CCDC24: variants seen among roughly 807,000 people sequenced by gnomAD.
The protein encoded by CCDC24 is coiled-coil domain-containing protein 24.
Under a neutral mutation model 31.6 loss-of-function variants are expected in CCDC24, and 34 were observed. The observed-to-expected ratio is 1.08, with a 90% CI of 0.82 to 1.43. The LOEUF is 1.43. CCDC24 is among the 40% of genes most tolerant of loss of function. The probability of loss-of-function intolerance (pLI) is 0.00; values close to 1 mark genes in which losing one functional copy is unlikely to be tolerated. For synonymous variants in CCDC24, 175 were observed against 157.3 expected (o/e 1.11, Z -0.84); for missense variants, 426 against 391.1 (o/e 1.09, Z -0.75).
At position 43,996,070 on chromosome 1, in the gene CCDC24, C is replaced by G. The variant is rs766105051; in HGVS notation, c.834C>G (p.Thr278=). Residue 278 remains threonine, a synonymous_variant, in exon 9 of 9, where the codon ACC becomes ACG. Transcript: ENST00000372318. ...PYLRPRGQSA[T]HRWGRQLQCS... is the part of the protein sequence containing the mutation. Reference sequence around the variant, plus strand: ...TTCGACCTCGAGGCCAGTCGGCTACCCACCGCTGGGGACGGCAGCTTCAGT... The same window carrying G: ...TTCGACCTCGAGGCCAGTCGGCTACGCACCGCTGGGGACGGCAGCTTCAGT... The G allele has an allele frequency of 6.2e-7, 1 of 1,614,118 alleles. No homozygotes were observed. The highest frequency in any genetic ancestry group is 8.5e-7 in the Non-Finnish European group (1 of 1,180,036).
chr1:43,995,693 A>T lies in CCDC24; in HGVS notation c.622+23A>T. The T allele has an allele frequency of 6.2e-7, 1 of 1,613,404 alleles. No homozygotes were observed. The highest frequency in any genetic ancestry group is 8.5e-7 in the Non-Finnish European group (1 of 1,179,578). Reference sequence around the variant, plus strand: ...CAGGTGAGGACACGGAGCAGGGCCCAGAACACCCAGCCTCCTGCTCCCACC... The same window carrying T: ...CAGGTGAGGACACGGAGCAGGGCCCTGAACACCCAGCCTCCTGCTCCCACC... On this transcript the variant is annotated intron_variant, in intron 7 of 8. Coordinates refer to ENST00000372318, the MANE Select transcript of CCDC24 (RefSeq NM_152499.4). This position sits in a 1 kb window ranked among gnomAD's most constrained non-coding sequence, Gnocchi z 4.3.
Position 43,991,732 on chromosome 1 carries a change from A to T in CCDC24, c.-47A>T, listed in dbSNP as rs758875449. ...ACGGGCAATCCCAGCCGAGGGGACC[A>T]GCGGCAGAGCACGGGTGGGGCTTGG... On this transcript the variant is annotated 5_prime_UTR_variant, in exon 1 of 9. Transcript: ENST00000372318. 5.7e-5 allele frequency: 60 copies of T among 1,051,466 alleles called. No individual in the cohort carries two copies. Among genetic ancestry groups the T allele is most frequent in the Admixed American group, 5.6e-4 (28 of 50,356 alleles). 65.1% of individuals were successfully genotyped at this position (1,051,466 alleles called of 1,614,324 possible).
At position 43,995,489 on chromosome 1, in the gene CCDC24, G is replaced by A. The variant is rs548340123; in HGVS notation, c.553-112G>A. ...CCCTGGGGAACGTGGCTGCCCTCAC[G>A]GTGGATGGGCTGAAGGGGCTGCACG... On this transcript the variant is annotated intron_variant, in intron 6 of 8. Transcript: ENST00000372318. This position sits in a 1 kb window ranked among gnomAD's most constrained non-coding sequence, Gnocchi z 4.3. The A allele has an allele frequency of 2.2e-5, 26 of 1,200,004 alleles. No homozygotes were observed. Among genetic ancestry groups the A allele is most frequent in the African/African-American group, 1.8e-4 (12 of 65,160 alleles). 74.3% of individuals were successfully genotyped at this position (1,200,004 alleles called of 1,614,324 possible).
At position 43,993,942 on chromosome 1, in the gene CCDC24, G is replaced by A; in HGVS notation, c.475G>A (p.Asp159Asn). The part of the protein sequence containing the change: ...IKDQLNVSNI[D>N]QVARHLRGLL... ...GGACCAACTGAACGTGTCCAACATT[G>A]ACCAGGTGGCCAGACACCTGAGGTG... The change falls in exon 5 of 9, where the codon GAC (aspartate) becomes AAC (asparagine). Residue 159 changes from aspartate to asparagine, a missense_variant. By Grantham distance (23) the Asp-to-Asn change is conservative. Coordinates refer to ENST00000372318, the MANE Select transcript of CCDC24 (RefSeq NM_152499.4). The A allele has an allele frequency of 6.2e-7, 1 of 1,614,158 alleles. No homozygotes were observed. Among genetic ancestry groups the A allele is most frequent in the East Asian group, 2.2e-5 (1 of 44,884 alleles).
chr1:43,991,777 A>G, intron 1 of CCDC24, 31 bp downstream of exon 1: 4 of 1,443,222 alleles, frequency 2.8e-6, no homozygotes, highest in Middle Eastern at 1.8e-4. Flanking sequence ...GGGCCCATAG[A>G]GGGGCGGGGT....
Position 43,991,731 on chromosome 1 carries a change from C to T in CCDC24, c.-48C>T, listed in dbSNP as rs2085746557. On this transcript the variant is annotated 5_prime_UTR_variant, in exon 1 of 9. Coordinates refer to ENST00000372318, the MANE Select transcript of CCDC24 (RefSeq NM_152499.4). ...AACGGGCAATCCCAGCCGAGGGGAC[C>T]AGCGGCAGAGCACGGGTGGGGCTTG... is the stretch of plus-strand genomic sequence containing the variant. The T allele has an allele frequency of 2.9e-6, 3 of 1,051,602 alleles. No individual in the cohort carries two copies. The highest frequency in any genetic ancestry group is 4.3e-6 in the Non-Finnish European group (3 of 704,534). 65.1% of individuals were successfully genotyped at this position (1,051,602 alleles called of 1,614,324 possible).
Position 43,992,226 on chromosome 1 carries a change from G to A in CCDC24, c.141G>A (p.Arg47=), listed in dbSNP as rs553411629. The A allele has an allele frequency of 6.2e-7, 1 of 1,613,006 alleles. No homozygotes were observed. The highest frequency in any genetic ancestry group is 1.3e-5 in the African/African-American group (1 of 74,982). The change falls in exon 3 of 9, where the codon CGG becomes CGA. Residue 47 remains arginine, a synonymous_variant. Coordinates refer to ENST00000372318, the MANE Select transcript of CCDC24 (RefSeq NM_152499.4). Reference sequence around the variant, plus strand: ...TCTCCTTGCAGGTGGCGATGTTACGGGCACTGCTCCAAGAGGCTCGATCCT... The same window carrying A: ...TCTCCTTGCAGGTGGCGATGTTACGAGCACTGCTCCAAGAGGCTCGATCCT... The part of the protein sequence containing the change: ...LELRAEVAML[R]ALLQEARSSQ...
Position 43,996,194 on chromosome 1 carries a change from C to T in CCDC24, c.*34C>T. The T allele has an allele frequency of 1.3e-6, 2 of 1,491,790 alleles. No individual in the cohort carries two copies. Among genetic ancestry groups the T allele is most frequent in the Non-Finnish European group, 1.8e-6 (2 of 1,113,706 alleles). 92.4% of individuals were successfully genotyped at this position (1,491,790 alleles called of 1,614,324 possible). ...TCACCGAGTAGGCTCTGGCTTCTGC[C>T]ACAGCGCACCTGTCTGCCGCTGCCG... On this transcript the variant is annotated 3_prime_UTR_variant, in exon 9 of 9. Transcript: ENST00000372318.
At chr1:43,992,496 A>G in intron 3 of CCDC24, 27 bp from the exon 4 acceptor site, 1 of 1,613,778 alleles carries the variant, frequency 6.2e-7, no homozygotes, top group Non-Finnish European at 8.5e-7. Context: ...GGAGCCTCTC[A>G]GCTTCCTTCC....
intron 4 of CCDC24, 143 bp from the exon 5 acceptor site, chr1:43,993,744 A>G (rs997642196): frequency 1.4e-6 from 1 of 697,956 alleles, no homozygotes; most frequent in African/African-American, 1.8e-5. Context: ...GCTCATTTGC[A>G]AACCTAGGCT....
In CCDC24 at chr1:43,995,283, T is replaced by C; in HGVS notation, c.552+121T>C. ...ATGTACAGGCTATGTGAGTCCTGCA[T>C]CCATTTCTCAGGGGTGCATGCTTGT... On this transcript the variant is annotated intron_variant, in intron 6 of 8. Transcript: ENST00000372318. The surrounding 1 kb of genome is among the most constrained non-coding windows in gnomAD (Gnocchi z 4.3). The C allele has an allele frequency of 9.6e-7, 1 of 1,044,050 alleles. No homozygotes were observed. Among genetic ancestry groups the C allele is most frequent in the Non-Finnish European group, 1.4e-6 (1 of 707,156 alleles). 64.7% of individuals were successfully genotyped at this position (1,044,050 alleles called of 1,614,324 possible).
rs1442397562 is a variant in CCDC24, at chr1:43,991,744, C to T, written c.-35C>T. ...AGCCGAGGGGACCAGCGGCAGAGCA[C>T]GGGTGGGGCTTGGGAGAGGGCGGGG... On this transcript the variant is annotated splice_region_variant and 5_prime_UTR_variant, in exon 1 of 9. It adds an upstream start codon to the 5' untranslated region. Transcript: ENST00000372318. 39 of 1,156,036 alleles carry T rather than the reference C, an allele frequency of 3.4e-5. No homozygotes were observed. Among genetic ancestry groups the T allele is most frequent in the Admixed American group, 5.9e-5 (3 of 50,466 alleles). The allele number at this position is 1,156,036 out of a possible 1,614,324, so 71.6% of individuals were successfully genotyped here.
At chr1:43,994,917 C>A in intron 5 of CCDC24, 191 bp from the exon 6 acceptor site, 1 of 597,572 alleles carries the variant, frequency 1.7e-6, no homozygotes. Context: ...ATACTTCCTG[C>A]CCAGAAAGAG....
rs772687091 is a variant in CCDC24 at position 43,995,992 on chromosome 1, C to T, written c.756C>T (p.Cys252=). Residue 252 remains cysteine, a synonymous_variant, in exon 9 of 9, where the codon TGC becomes TGT. Coordinates refer to ENST00000372318, the MANE Select transcript of CCDC24 (RefSeq NM_152499.4). This position sits in a 1 kb window ranked among gnomAD's most constrained non-coding sequence, Gnocchi z 4.3. The part of the protein sequence containing the change: ...TQGLRPPLPL[C]GVAPLQCCLP... The stretch of plus-strand genomic sequence containing the variant: ...GCCTCAGACCCCCGCTTCCCCTCTG[C>T]GGGGTTGCACCTCTCCAGTGCTGCC... The T allele has an allele frequency of 1.8e-5, 29 of 1,614,066 alleles. No individual in the cohort carries two copies. The East Asian group carries it at 2.4e-4, about 14-fold the overall frequency.
intron 5 of CCDC24, chr1:43,994,315 G>A (rs2085791949): frequency 6.7e-6 from 2 of 300,666 alleles, no homozygotes; most frequent in Non-Finnish European, 1.3e-5. Context: ...TGGGCGTGGT[G>A]GTGCACGCCT....
intron 2 of CCDC24, 59 bp from the exon 3 acceptor site, chr1:43,992,153 C>G (rs552594210): frequency 5.2e-6 from 8 of 1,543,964 alleles, no homozygotes; most frequent in Non-Finnish European, 7.0e-6. Context: ...ACTCCCCCAG[C>G]CCCCACCATT....
In CCDC24 at chr1:43,995,532, T is replaced by C. The variant is rs750314227; in HGVS notation, c.553-69T>C. ...GCTGCACGGGCCTGCCCTGGGGATC[T>C]TGGCCTCTGTATCCTGCCTTGCCCC... is the stretch of plus-strand genomic sequence containing the variant. On this transcript the variant is annotated intron_variant, in intron 6 of 8. Coordinates refer to ENST00000372318, the MANE Select transcript of CCDC24 (RefSeq NM_152499.4). The surrounding 1 kb of genome is among the most constrained non-coding windows in gnomAD (Gnocchi z 4.3). 7.3e-4 allele frequency: 1,074 copies of C among 1,474,130 alleles called. 1 individual carries two copies. The highest frequency in any genetic ancestry group is 9.4e-4 in the Non-Finnish European group (1,028 of 1,097,222). The allele number at this position is 1,474,130 out of a possible 1,614,324, so 91.3% of individuals were successfully genotyped here. A position where few individuals can be genotyped will look rare whatever the true frequency, so the allele number is the denominator to read the frequency against.
In CCDC24 at chr1:43,993,889, G is replaced by C; in HGVS notation, c.422G>C (p.Ser141Thr). 1 of 1,614,178 alleles carries C rather than the reference G, an allele frequency of 6.2e-7. No individual in the cohort carries two copies. Among genetic ancestry groups the C allele is most frequent in the African/African-American group, 1.3e-5 (1 of 75,040 alleles). ...IFQMRGGGPS[S>T]GHRDLSIIKD... Reference sequence around the variant, plus strand: ...AGTGATAGTGACTTCATTGCCAGCAGCGGTCACAGAGATCTCAGCATCATC... The same window carrying C: ...AGTGATAGTGACTTCATTGCCAGCACCGGTCACAGAGATCTCAGCATCATC... Residue 141 changes from serine to threonine, a missense_variant and splice_region_variant, in exon 5 of 9, where the codon AGC becomes ACC. Transcript: ENST00000372318.
Position 43,993,915 on chromosome 1 carries a change from A to G in CCDC24, c.448A>G (p.Lys150Glu), listed in dbSNP as rs755136442. 2.5e-6 allele frequency: 4 copies of G among 1,614,074 alleles called. No homozygotes were observed. Among genetic ancestry groups the G allele is most frequent in the South Asian group, 2.2e-5 (2 of 91,088 alleles). The change falls in exon 5 of 9, where the codon AAG (lysine) becomes GAG (glutamate). Residue 150 changes from lysine (K) to glutamate (E), a missense_variant. Physicochemically the swap from Lys to Glu is moderately conservative, Grantham distance 56. Transcript: ENST00000372318. ...SSGHRDLSII[K>E]DQLNVSNIDQ... is the part of the protein sequence containing the mutation. Reference sequence around the variant, plus strand: ...CGGTCACAGAGATCTCAGCATCATCAAGGACCAACTGAACGTGTCCAACAT... The same window carrying G: ...CGGTCACAGAGATCTCAGCATCATCGAGGACCAACTGAACGTGTCCAACAT...
Sources: gnomAD v4.1 joint callset for allele counts on GRCh38, gnomAD v4.1.1 for gene constraint, Gnocchi (gnomAD v3.1) non-coding constraint, MANE v1.5 for transcripts, NCBI Gene and HGNC (gene_info 2026-07-23, HGNC 2026-07-21) for gene names.